DOCK5: variants seen among roughly 807,000 people sequenced by gnomAD.
DOCK5 encodes the protein dedicator of cytokinesis 5, also known as dedicator of cytokinesis protein 5.
DOCK5 carries 142 observed loss-of-function variants against 251.8 expected under a neutral mutation model. The observed-to-expected ratio is 0.56, with a 90% CI of 0.49 to 0.65. The LOEUF is 0.65. Ranked by LOEUF, DOCK5 falls within the 30% of genes least tolerant of loss-of-function variation. DOCK5 has a pLI of 0.00. For missense variants in DOCK5, 2,111 were observed against 2,312.3 expected (o/e 0.91, Z 1.79); for synonymous variants, 842 against 835.5 (o/e 1.01, Z -0.13).
chr8:25,256,700 A>C (rs529497928), intron 2 of DOCK5, among the ~76,000 whole-genome samples: 1 of 151,630 alleles, frequency 6.6e-6, no homozygotes, highest in Non-Finnish European at 1.5e-5. Context: ...AAAGGGTGAA[A>C]TTTTTTCTTA....
intron 36 of DOCK5, 141 bp from the exon 37 acceptor site, chr8:25,374,423 G>T (rs1001420180): frequency 2.5e-6 from 2 of 785,452 alleles, no homozygotes; most frequent in South Asian, 1.8e-5. Flanking sequence ...TGAGCCCTGG[G>T]GCTTAAGGCT....
chr8:25,204,881 A>C (rs369173121), intron 1 of DOCK5, among the ~76,000 whole-genome samples: 35 of 152,278 alleles, frequency 2.3e-4, no homozygotes, highest in African/African-American at 7.9e-4. Flanking sequence ...TGATTTTAAC[A>C]GAGTGCTATG....
intron 1 of DOCK5, among the ~76,000 whole-genome samples, chr8:25,233,519 G>A (rs555929623): frequency 7.2e-5 from 11 of 152,202 alleles, no homozygotes; most frequent in African/African-American, 2.2e-4. Flanking sequence ...ATAGTTGCTC[G>A]TTGTTTCTTC....
At chr8:25,223,669 G>C (rs377653435) in intron 1 of DOCK5, among the ~76,000 whole-genome samples, 2 of 152,300 alleles carry the variant, frequency 1.3e-5, no homozygotes, top group African/African-American at 4.8e-5. Context: ...AAATAAGAGC[G>C]AGTGATAAGA....
At chr8:25,334,236 T>C (rs777230698) in intron 21 of DOCK5, 40 bp downstream of exon 21, 3 of 1,513,306 alleles carry the variant, frequency 2.0e-6, no homozygotes, top group Admixed American at 1.7e-5. Flanking sequence ...GTTGGATCTT[T>C]GGATTTGTAC....
chr8:25,304,488 A>AAGTTGGATT (rs1314499651), intron 11 of DOCK5, 161 bp downstream of exon 11: 5 of 579,184 alleles, frequency 8.6e-6, no homozygotes, highest in Non-Finnish European at 1.4e-5. Flanking sequence ...CTTTATTCAA[A>AAGTTGGATT]GTCCTTGATG....
chr8:25,189,030 TTTTCTTTC>T (rs200130304), intron 1 of DOCK5, among the ~76,000 whole-genome samples: 2 of 120,640 alleles, frequency 1.7e-5, no homozygotes, highest in African/African-American at 2.9e-5. Flanking sequence ...TTTTCTTTTC[TTTTCTTTC>T]TTTCTTTCTT....
At chr8:25,410,912 G>A (rs1801610400) in intron 51 of DOCK5, among the ~76,000 whole-genome samples, 1 of 77,146 alleles carries the variant, frequency 1.3e-5, no homozygotes, top group South Asian at 6.1e-4. Flanking sequence ...AAGTGTTGGG[G>A]ATATGGCAGC....
intron 47 of DOCK5, 136 bp from the exon 48 acceptor site, chr8:25,403,422 C>T (rs1157168183): frequency 5.9e-5 from 50 of 851,272 alleles, no homozygotes; most frequent in Middle Eastern, 3.7e-4. Flanking sequence ...CAGGCACCAA[C>T]CAATCAGAAT....
At chr8:25,279,781 A>ATT (rs59363613) in intron 5 of DOCK5, among the ~76,000 whole-genome samples, 148 of 143,588 alleles carry the variant, frequency 1.0e-3, no homozygotes, top group Admixed American at 1.3e-3. Context: ...CGCCTGGCTA[A>ATT]TTTTTTTTTT....
At chr8:25,221,620 C>A (rs1802393295) in intron 1 of DOCK5, among the ~76,000 whole-genome samples, 1 of 152,104 alleles carries the variant, frequency 6.6e-6, no homozygotes, top group African/African-American at 2.4e-5. Flanking sequence ...TCTGCCAAAT[C>A]TTAAATTCCA....
chr8:25,321,227 G>A (rs1345819009), intron 16 of DOCK5, among the ~76,000 whole-genome samples, 175 bp downstream of exon 16: 1 of 152,208 alleles, frequency 6.6e-6, no homozygotes, highest in Non-Finnish European at 1.5e-5. Context: ...GGGCGTGCAA[G>A]GTCTGTGTTG....
At chr8:25,347,636 A>G (rs576035078) in intron 26 of DOCK5, among the ~76,000 whole-genome samples, 7 of 152,214 alleles carry the variant, frequency 4.6e-5, no homozygotes, top group South Asian at 2.1e-4. Flanking sequence ...TACCTGGCAC[A>G]TTGGTTTAGC....
At chr8:25,281,439 C>CA (rs35716928) in intron 5 of DOCK5, among the ~76,000 whole-genome samples, 83 of 135,666 alleles carry the variant, frequency 6.1e-4, no homozygotes, top group African/African-American at 2.1e-3. Flanking sequence ...AACTCCGTCT[C>CA]AAAAAAAAAA....
At chr8:25,236,341 C>T (rs1449407325) in intron 1 of DOCK5, among the ~76,000 whole-genome samples, 1 of 152,074 alleles carries the variant, frequency 6.6e-6, no homozygotes, top group Non-Finnish European at 1.5e-5. Flanking sequence ...AATTATCATC[C>T]TAAAACCACA....
At chr8:25,249,310 T>G (rs1803205196) in intron 2 of DOCK5, among the ~76,000 whole-genome samples, 1 of 152,112 alleles carries the variant, frequency 6.6e-6, no homozygotes, top group Admixed American at 6.6e-5. Flanking sequence ...CTTGTGGGTT[T>G]TTTTGTTTGT....
chr8:25,342,767 C>T (rs1420441664), intron 25 of DOCK5, among the ~76,000 whole-genome samples: 5 of 129,432 alleles, frequency 3.9e-5, no homozygotes, highest in African/African-American at 8.8e-5. Context: ...GGCGCAATCT[C>T]GGCTCACTGC....
intron 2 of DOCK5, among the ~76,000 whole-genome samples, chr8:25,258,434 G>A (rs1465680873): frequency 6.6e-6 from 1 of 152,110 alleles, no homozygotes; most frequent in Non-Finnish European, 1.5e-5. Flanking sequence ...AAATTGACAA[G>A]GGAAAAAAAT....
At position 25,390,359 on chromosome 8, in the gene DOCK5, C is replaced by T. The variant is rs75646518; in HGVS notation, c.4355+72C>T. ...CAGTGGCTCACATCTATAATCTCAA[C>T]ATTTTCCGAAGCTGAGGGAGGAGTA... On this transcript the variant is annotated intron_variant, in intron 42 of 51. Transcript: ENST00000276440. 3.4e-3 allele frequency: 4,593 copies of T among 1,351,558 alleles called. 128 individuals are homozygous for T. In the African/African-American group the frequency reaches 0.06, roughly 18 times the overall value. 83.7% of individuals were successfully genotyped at this position (1,351,558 alleles called of 1,614,324 possible). A position where few individuals can be genotyped will look rare whatever the true frequency, so the allele number is the denominator to read the frequency against.
Sources: allele counts gnomAD v4.1 joint callset (sites outside exome capture counted in the v4.1 genomes callset), GRCh38; gene constraint gnomAD v4.1.1; transcripts MANE v1.5; gene names NCBI Gene and HGNC (gene_info 2026-07-23, HGNC 2026-07-21).